C5: variants seen among roughly 807,000 people sequenced by gnomAD.
The protein encoded by C5 is complement C5, also known as C3 and PZP-like alpha-2-macroglobulin domain-containing protein 4.
Under a neutral mutation model 218.8 loss-of-function variants are expected in C5, and 140 were observed. That is an observed-to-expected ratio of 0.64 (90% CI 0.56 to 0.74). The LOEUF is 0.74. Among genes scored for constraint, C5 ranks in the 30% least tolerant of loss-of-function variants. The probability of loss-of-function intolerance (pLI) is 0.00; values close to 1 mark genes in which losing one functional copy is unlikely to be tolerated. For synonymous variants in C5, 614 were observed against 682.3 expected, an observed-to-expected ratio of 0.90 and a Z score of 1.56; for missense variants, 1,700 against 1,969.6, an observed-to-expected ratio of 0.86 and a Z score of 2.59.
At chr9:121,019,953 T>G in intron 12 of C5, 23 bp downstream of exon 12, 7 of 1,438,656 alleles carry the variant, frequency 4.9e-6, no homozygotes, top group Non-Finnish European at 6.9e-6. Context: ...GAATAAGATG[T>G]AAATCCATCA....
At chr9:120,972,043 G>A in intron 30 of C5, 51 bp from the exon 31 acceptor site, 1 of 1,476,084 alleles carries the variant, frequency 6.8e-7, no homozygotes, top group Admixed American at 1.7e-5. Flanking sequence ...CATTTGATAG[G>A]GAGGGAGGAT....
At chr9:121,065,308 G>A in the C5 span, among the ~76,000 whole-genome samples, 3 of 152,088 alleles carry the variant, frequency 2.0e-5, no homozygotes, top group Non-Finnish European at 2.9e-5. Context: ...TGGATCTACA[G>A]CCAATATATT....
rs940380215 is a variant in C5 at position 120,976,596 on chromosome 9, T to C, written c.3864+104A>G. On this transcript the variant is annotated intron_variant, in intron 29 of 40. Coordinates refer to ENST00000223642, the MANE Select transcript of C5 (RefSeq NM_001735.3). ...CAATTCTAGGCATTATTCATATCTATTGCATGCTCATTTGGTGGACAAAGG... is the reference window on the plus strand; with the variant it reads ...CAATTCTAGGCATTATTCATATCTACTGCATGCTCATTTGGTGGACAAAGG... 3.6e-5 allele frequency: 32 copies of C among 897,126 alleles called. No homozygotes were observed. In the East Asian group the frequency reaches 4.6e-4, roughly 13 times the overall value. The allele number at this position is 897,126 out of a possible 1,614,324, so 55.6% of individuals were successfully genotyped here.
At chr9:120,987,949 C>T (rs569386477) in intron 25 of C5, among the ~76,000 whole-genome samples, 60 of 152,120 alleles carry the variant, frequency 3.9e-4, no homozygotes, top group Non-Finnish European at 6.6e-4. Context: ...CATGCCACTA[C>T]GCCCAGCTAA....
At chr9:120,960,958 G>T (rs1210203758) in intron 37 of C5, among the ~76,000 whole-genome samples, 1 of 152,168 alleles carries the variant, frequency 6.6e-6, no homozygotes, top group Non-Finnish European at 1.5e-5. Context: ...TAAGTACCTA[G>T]AAAATGTGTA....
rs779386767 is a variant in C5, at chr9:121,020,194, T to A, written c.1303-15A>T. 5.0e-6 allele frequency: 8 copies of A among 1,586,158 alleles called. No individual in the cohort carries two copies. In the South Asian group the frequency reaches 8.8e-5, roughly 18 times the overall value. On this transcript the variant is annotated splice_polypyrimidine_tract_variant and intron_variant, in intron 11 of 40. Transcript: ENST00000223642. Reference sequence around the variant, plus strand: ...TCAGTTTTGACCTGAAAAGAGAAATTTCAAAAAGACATGTATACTGTGATG... The same window carrying A: ...TCAGTTTTGACCTGAAAAGAGAAATATCAAAAAGACATGTATACTGTGATG...
chr9:121,022,220 C>T (rs10733650), intron 10 of C5, among the ~76,000 whole-genome samples: 55,146 of 151,762 alleles, frequency 0.36, 12,444 homozygotes, highest in South Asian at 0.63. Context: ...GAGGCAATCG[C>T]TTCTGGGAAT....
At chr9:120,995,820 C>CTTTT (rs66652956) in intron 22 of C5, among the ~76,000 whole-genome samples, 2 of 134,408 alleles carry the variant, frequency 1.5e-5, no homozygotes, top group South Asian at 2.4e-4. Flanking sequence ...GAAGTGGATA[C>CTTTT]TTTTTTTTTT....
chr9:121,012,468 T>A (rs1017478064), intron 17 of C5, among the ~76,000 whole-genome samples: 1 of 152,096 alleles, frequency 6.6e-6, no homozygotes, highest in Admixed American at 6.6e-5. Context: ...GAGCTGAGAC[T>A]GCGCCATTGC....
At chr9:121,015,350 G>C (rs561513638) in intron 15 of C5, 89 bp from the exon 16 acceptor site, 9 of 825,294 alleles carry the variant, frequency 1.1e-5, no homozygotes, top group African/African-American at 8.5e-5. Context: ...TAAGTATTTA[G>C]AGCCTTCACA....
intron 18 of C5, among the ~76,000 whole-genome samples, 192 bp from the exon 19 acceptor site, chr9:121,007,169 T>A (rs2047223003): frequency 2.6e-5 from 4 of 152,168 alleles, no homozygotes; most frequent in Non-Finnish European, 4.4e-5. Flanking sequence ...ATATTGCATG[T>A]TTTTAGACAT....
chr9:121,058,869 A>T, the C5 span, among the ~76,000 whole-genome samples: 2 of 152,246 alleles, frequency 1.3e-5, no homozygotes, highest in Admixed American at 1.3e-4. Flanking sequence ...GGTGGGAATA[A>T]ATGTGACATA....
At chr9:121,001,952 G>A (rs1386117020) in intron 20 of C5, among the ~76,000 whole-genome samples, 6 of 151,832 alleles carry the variant, frequency 4.0e-5, no homozygotes, top group African/African-American at 1.5e-4. Context: ...GTGAAAACCT[G>A]TAAACAACCC....
At chr9:120,998,385 C>G (rs572054324) in intron 20 of C5, among the ~76,000 whole-genome samples, 2 of 152,272 alleles carry the variant, frequency 1.3e-5, no homozygotes, top group East Asian at 3.9e-4. Context: ...CACTTATTAC[C>G]CTGTCTCTTT....
intron 3 of C5, among the ~76,000 whole-genome samples, chr9:121,039,030 G>C (rs771626026): frequency 1.2e-4 from 18 of 152,058 alleles, no homozygotes; most frequent in Non-Finnish European, 2.1e-4. Flanking sequence ...AAACACTTTG[G>C]TTTCACTCCT....
At chr9:121,073,147 G>A in the C5 span, among the ~76,000 whole-genome samples, 2 of 152,080 alleles carry the variant, frequency 1.3e-5, no homozygotes, top group African/African-American at 4.8e-5. Flanking sequence ...TTATAATATG[G>A]TCCCTTTTCC....
In C5 at chr9:120,976,893, A is replaced by G; in HGVS notation, c.3671T>C (p.Ile1224Thr). The change falls in exon 29 of 41, where the codon ATT becomes ACT. Residue 1224 changes from isoleucine to threonine, a missense_variant. By Grantham distance (89) the Ile-to-Thr change is moderately conservative. Transcript: ENST00000223642. Reference protein sequence around the residue: ...REALVKGNPPIYRFWKDNLQH... With the variant: ...REALVKGNPPTYRFWKDNLQH... ...AAGATTGTCTTTCCAAAAACGATAA[A>G]TGGGTGGATTACCTGAACATCAACA... The G allele has an allele frequency of 6.2e-7, 1 of 1,613,768 alleles. No individual in the cohort carries two copies. Among genetic ancestry groups the G allele is most frequent in the Non-Finnish European group, 8.5e-7 (1 of 1,179,636 alleles).
intron 30 of C5, among the ~76,000 whole-genome samples, chr9:120,973,388 A>G (rs1412998550): frequency 6.6e-6 from 1 of 152,186 alleles, no homozygotes; most frequent in Non-Finnish European, 1.5e-5. Context: ...AAGGAGACAT[A>G]TTCCCAAACT....
At chr9:120,957,716 T>G (rs2046796721) in intron 38 of C5, among the ~76,000 whole-genome samples, 1 of 152,264 alleles carries the variant, frequency 6.6e-6, no homozygotes, top group Non-Finnish European at 1.5e-5. Context: ...GGGCATCTTT[T>G]GAAGAGCCCC....
Sources: gnomAD v4.1 joint callset for allele counts (sites outside exome capture counted in the v4.1 genomes callset) on GRCh38, gnomAD v4.1.1 for gene constraint, MANE v1.5 for transcripts, NCBI Gene and HGNC (gene_info 2026-07-23, HGNC 2026-07-21) for gene names.